DRC8: variants seen among roughly 807,000 people sequenced by gnomAD.
DRC8 encodes dynein regulatory complex subunit 8.
chr1:245,041,181 C>A, the DRC8 span, among the ~76,000 whole-genome samples: 1 of 151,902 alleles, frequency 6.6e-6, no homozygotes, highest in Non-Finnish European at 1.5e-5. Flanking sequence ...ATATAAAGGC[C>A]CTTTGAAGGG....
At chr1:245,076,809 C>T in the DRC8 span, among the ~76,000 whole-genome samples, 1 of 152,082 alleles carries the variant, frequency 6.6e-6, no homozygotes, top group South Asian at 2.1e-4. Flanking sequence ...TCACTGCACC[C>T]TCCATCTCCT....
chr1:245,101,721 T>C, the DRC8 span, among the ~76,000 whole-genome samples: 19 of 152,304 alleles, frequency 1.2e-4, no homozygotes, highest in African/African-American at 4.1e-4. Flanking sequence ...GCTTTCAGGG[T>C]ACATGTGATA....
chr1:245,020,743 C>A, the DRC8 span, among the ~76,000 whole-genome samples: 2 of 151,038 alleles, frequency 1.3e-5, no homozygotes, highest in South Asian at 4.2e-4. Flanking sequence ...CATCAGCCTC[C>A]CAAGTAGCTG....
At chr1:245,112,941 C>G in the DRC8 span, among the ~76,000 whole-genome samples, 4 of 151,998 alleles carry the variant, frequency 2.6e-5, no homozygotes, top group Admixed American at 1.3e-4. Flanking sequence ...TTGGTAGAGA[C>G]AGTGGTTTCA....
chr1:245,112,870 C>T, the DRC8 span, among the ~76,000 whole-genome samples: 1 of 152,056 alleles, frequency 6.6e-6, no homozygotes, highest in African/African-American at 2.4e-5. Flanking sequence ...TCTCCTGCCT[C>T]AGCCTCCCAA....
the DRC8 span, among the ~76,000 whole-genome samples, chr1:245,106,884 A>C: frequency 6.6e-6 from 1 of 152,136 alleles, no homozygotes; most frequent in Admixed American, 6.5e-5. Context: ...TCTCTACTAA[A>C]AATACAAAAA....
chr1:244,972,666 A>G, the DRC8 span, among the ~76,000 whole-genome samples: 1 of 152,096 alleles, frequency 6.6e-6, no homozygotes, highest in Admixed American at 6.6e-5. Flanking sequence ...AAAAATACAA[A>G]AATTAGCTGG....
chr1:244,971,289 G>T, the DRC8 span, among the ~76,000 whole-genome samples: 2 of 152,124 alleles, frequency 1.3e-5, no homozygotes, highest in East Asian at 1.9e-4. Context: ...GAACCGCTGT[G>T]CGCCGGCCGG....
chr1:245,032,219 T>C, the DRC8 span, among the ~76,000 whole-genome samples: 3 of 152,184 alleles, frequency 2.0e-5, no homozygotes, highest in Non-Finnish European at 4.4e-5. Flanking sequence ...GATTTGCTTA[T>C]AGTAGCAGGG....
the DRC8 span, among the ~76,000 whole-genome samples, chr1:245,003,502 G>A: frequency 6.6e-6 from 1 of 152,230 alleles, no homozygotes; most frequent in East Asian, 1.9e-4. Flanking sequence ...CCAGGTCAGT[G>A]CTCTTAACCA....
the DRC8 span, among the ~76,000 whole-genome samples, chr1:245,105,638 A>AAG: frequency 6.7e-6 from 1 of 150,316 alleles, no homozygotes; most frequent in Non-Finnish European, 1.5e-5. Flanking sequence ...AAAAAAAAAA[A>AAG]CAAAAAACAA....
At chr1:245,021,699 G>A in the DRC8 span, among the ~76,000 whole-genome samples, 2,399 of 152,080 alleles carry the variant, frequency 0.016, 30 homozygotes, top group Non-Finnish European at 0.023. Flanking sequence ...GCCTCCCAAA[G>A]TGCTGGGATT....
chr1:245,059,489 A>T, the DRC8 span: 1 of 1,588,532 alleles, frequency 6.3e-7, no homozygotes, highest in East Asian at 2.2e-5. Context: ...TCATTCAGCC[A>T]GCTCTCTGTG....
the DRC8 span, among the ~76,000 whole-genome samples, chr1:245,120,913 C>T: frequency 6.6e-6 from 1 of 152,266 alleles, no homozygotes; most frequent in Non-Finnish European, 1.5e-5. Flanking sequence ...AACAATATGA[C>T]ACCTGGCCTT....
At chr1:244,988,213 C>T in the DRC8 span, among the ~76,000 whole-genome samples, 2 of 152,158 alleles carry the variant, frequency 1.3e-5, no homozygotes, top group East Asian at 1.9e-4. Context: ...GATCGGGTCC[C>T]ACTATGTTGC....
At chr1:245,120,382 T>G in the DRC8 span, among the ~76,000 whole-genome samples, 1 of 152,218 alleles carries the variant, frequency 6.6e-6, no homozygotes, top group Non-Finnish European at 1.5e-5. Context: ...CTGTGTAGTA[T>G]TCTATTGCGT....
At chr1:245,095,923 C>T in the DRC8 span, among the ~76,000 whole-genome samples, 13 of 152,166 alleles carry the variant, frequency 8.5e-5, no homozygotes, top group African/African-American at 1.2e-4. Context: ...TCTAAACCCT[C>T]CTCAGCATAT....
the DRC8 span, chr1:244,969,758 G>C: frequency 4.6e-6 from 1 of 217,432 alleles, no homozygotes; most frequent in Non-Finnish European, 9.0e-6. Flanking sequence ...TTTAGCTTCG[G>C]TTGTCATAGG....
the DRC8 span, among the ~76,000 whole-genome samples, chr1:245,003,790 GAC>G: frequency 3.9e-5 from 6 of 151,978 alleles, no homozygotes; most frequent in African/African-American, 1.4e-4. Flanking sequence ...TTTTTGTAGA[GAC>G]AGGATCTCAC....
Sources: allele counts gnomAD v4.1 joint callset (sites outside exome capture counted in the v4.1 genomes callset), GRCh38; gene constraint gnomAD v4.1.1; transcripts MANE v1.5; gene names NCBI Gene and HGNC (gene_info 2026-07-23, HGNC 2026-07-21).